The following KAZN variants were observed in gnomAD, a reference collection of about 807,000 sequenced individuals.
KAZN encodes kazrin.
Under a neutral mutation model 87.4 loss-of-function variants are expected in KAZN, and 40 were observed. The ratio of observed to expected loss-of-function variants is 0.46; its 90% confidence interval spans 0.36 to 0.60. KAZN has a LOEUF of 0.60. KAZN is among the 20% of genes least tolerant of loss of function. The pLI is 0.00. For synonymous variants in KAZN, 466 were observed against 458.3 expected, an observed-to-expected ratio of 1.02 and a Z score of -0.22; for missense variants, 898 against 1,073.9, an observed-to-expected ratio of 0.84 and a Z score of 2.29.
chr1:13,918,926 T>C (rs1384093856), intron 1 of KAZN, among the ~76,000 whole-genome samples: 4 of 152,176 alleles, frequency 2.6e-5, no homozygotes, highest in African/African-American at 9.7e-5. Context: ...TGGCCTCTTA[T>C]GGTGTTAAAA....
At chr1:14,253,961 C>A (rs113139957) in intron 2 of KAZN, among the ~76,000 whole-genome samples, 2,511 of 103,092 alleles carry the variant, frequency 0.024, 79 homozygotes, top group African/African-American at 0.091. Context: ...GTGGTTGGGG[C>A]GGGGGGTGGG....
At chr1:14,442,817 G>A (rs896256041) in intron 2 of KAZN, among the ~76,000 whole-genome samples, 8 of 152,214 alleles carry the variant, frequency 5.3e-5, no homozygotes, top group Non-Finnish European at 7.3e-5. Flanking sequence ...TCCCATAAAA[G>A]CAAAAGTGGT....
At position 14,242,372 on chromosome 1, in the gene KAZN, C is replaced by T. The variant is rs141892490; in HGVS notation, c.249+61780C>T. ...GAGGTTTCCTTGGGGGGAAGCCCAG[C>T]CAGTGTTAAAAATGATGTCTATGAG... On this transcript the variant is annotated intron_variant, in intron 2 of 16. Transcript: ENST00000636203. 5.9e-5 allele frequency among the ~76,000 whole-genome samples: 9 copies of T among 152,188 alleles called. No individual in the cohort carries two copies. The East Asian group carries it at 1.7e-3, about 29-fold the overall frequency.
At chr1:13,920,970 C>A (rs571448909) in intron 1 of KAZN, among the ~76,000 whole-genome samples, 4 of 152,178 alleles carry the variant, frequency 2.6e-5, no homozygotes, top group African/African-American at 7.2e-5. Context: ...GAGGAATGTG[C>A]ACATAGCATC....
intron 8 of KAZN, among the ~76,000 whole-genome samples, chr1:15,076,794 G>C (rs914369799): frequency 6.6e-6 from 1 of 152,212 alleles, no homozygotes; most frequent in Non-Finnish European, 1.5e-5. Flanking sequence ...GCACTGCCTC[G>C]CGAGCAAGCT....
intron 1 of KAZN, among the ~76,000 whole-genome samples, chr1:14,679,445 T>C (rs781557863): frequency 3.3e-5 from 5 of 152,092 alleles, no homozygotes; most frequent in Non-Finnish European, 1.5e-5. Context: ...AATATTGGTT[T>C]GGTATGTGAC....
At chr1:14,547,351 A>G (rs1239608185) in intron 2 of KAZN, among the ~76,000 whole-genome samples, 1 of 152,212 alleles carries the variant, frequency 6.6e-6, no homozygotes, top group East Asian at 1.9e-4. Flanking sequence ...AGTTCTATAC[A>G]AGGTAAGGCC....
intron 1 of KAZN, among the ~76,000 whole-genome samples, chr1:13,954,965 T>C (rs1298321085): frequency 6.6e-6 from 1 of 152,250 alleles, no homozygotes; most frequent in Non-Finnish European, 1.5e-5. Flanking sequence ...CCAATTCGTC[T>C]TAGGCTTTTT....
intron 1 of KAZN, among the ~76,000 whole-genome samples, chr1:13,984,847 C>T (rs1163629734): frequency 6.6e-6 from 1 of 152,090 alleles, no homozygotes; most frequent in East Asian, 1.9e-4. Context: ...TTAAAGTATA[C>T]AATTCAATAG....
chr1:13,901,529 A>G lies in KAZN; in HGVS notation c.91+7773A>G, dbSNP rs147280175. Reference sequence around the variant, plus strand: ...TTTCCAAGAGAAACCTGGAGTCCCAATGTTCCTATTAAGCCCTCCAATTTG... The same window carrying G: ...TTTCCAAGAGAAACCTGGAGTCCCAGTGTTCCTATTAAGCCCTCCAATTTG... On this transcript the variant is annotated intron_variant, in intron 1 of 16. Coordinates refer to the KAZN transcript ENST00000636203. Among the ~76,000 whole-genome samples, 360 of 152,294 alleles carry G rather than the reference A, an allele frequency of 2.4e-3. 1 individual carries two copies. The highest frequency in any genetic ancestry group is 8.2e-3 in the African/African-American group (339 of 41,548).
chr1:14,052,577 T>C (rs1252578635), intron 1 of KAZN, among the ~76,000 whole-genome samples: 1 of 150,074 alleles, frequency 6.7e-6, no homozygotes, highest in African/African-American at 2.4e-5. Flanking sequence ...GAAGATGATG[T>C]GTTTGCACTG....
chr1:14,544,836 C>T (rs952606715), intron 2 of KAZN, among the ~76,000 whole-genome samples: 4 of 152,002 alleles, frequency 2.6e-5, no homozygotes, highest in African/African-American at 9.7e-5. Flanking sequence ...TCCCAAAGTG[C>T]TGGGATTATA....
At chr1:14,331,950 A>G (rs1398352453) in intron 2 of KAZN, among the ~76,000 whole-genome samples, 1 of 152,174 alleles carries the variant, frequency 6.6e-6, no homozygotes, top group Non-Finnish European at 1.5e-5. Context: ...TTAATATTAT[A>G]TTTCTAAGAT....
chr1:14,397,546 TCA>T (rs1265046055), intron 2 of KAZN, among the ~76,000 whole-genome samples: 2 of 152,066 alleles, frequency 1.3e-5, no homozygotes, highest in Non-Finnish European at 2.9e-5. Context: ...ATCATGCAAC[TCA>T]CTCTGACCAA....
chr1:14,083,361 C>A (rs1643750139), intron 1 of KAZN, among the ~76,000 whole-genome samples: 1 of 152,220 alleles, frequency 6.6e-6, no homozygotes, highest in Non-Finnish European at 1.5e-5. Context: ...GTTCTGGAAT[C>A]AGCTACCTAG....
intron 10 of KAZN, among the ~76,000 whole-genome samples, chr1:15,098,363 T>A (rs1386793063): frequency 1.3e-5 from 2 of 152,208 alleles, no homozygotes; most frequent in African/African-American, 4.8e-5. Flanking sequence ...TGCGGCCCCA[T>A]GGGGACACCC....
At chr1:14,523,109 C>T (rs912551091) in intron 2 of KAZN, among the ~76,000 whole-genome samples, 1 of 152,180 alleles carries the variant, frequency 6.6e-6, no homozygotes, top group Admixed American at 6.5e-5. Flanking sequence ...GCTTCCACAC[C>T]AGGCATGGAG....
chr1:14,661,218 T>C (rs1639147803), intron 1 of KAZN, among the ~76,000 whole-genome samples: 1 of 152,206 alleles, frequency 6.6e-6, no homozygotes, highest in Admixed American at 6.5e-5. Flanking sequence ...TGTTACTTGC[T>C]AGAGGTCAGA....
At chr1:14,908,864 A>T (rs754812095) in intron 1 of KAZN, among the ~76,000 whole-genome samples, 11 of 151,696 alleles carry the variant, frequency 7.3e-5, no homozygotes, top group Non-Finnish European at 1.3e-4. Flanking sequence ...AATATGCAAA[A>T]ATTAGCCAGG....
Sources: gnomAD v4.1 joint callset for allele counts (sites outside exome capture counted in the v4.1 genomes callset) on GRCh38, gnomAD v4.1.1 for gene constraint, MANE v1.5 for transcripts, NCBI Gene and HGNC (gene_info 2026-07-23, HGNC 2026-07-21) for gene names.